Variants in AMPD3 observed in about 807,000 individuals in gnomAD.
AMPD3 encodes the protein AMP deaminase 3.
A neutral mutation model predicts 82.3 loss-of-function variants in AMPD3; 57 were observed. The observed-to-expected ratio is 0.69, with a 90% confidence interval of 0.56 to 0.86. The LOEUF is 0.86. Among genes scored for constraint, AMPD3 ranks in the 40% least tolerant of loss-of-function variants. The probability of loss-of-function intolerance (pLI) is 0.00; values close to 1 mark genes in which losing one functional copy is unlikely to be tolerated. For synonymous variants in AMPD3, 381 were observed against 394.7 expected, an observed-to-expected ratio of 0.97 and a Z score of 0.41; for missense variants, 870 against 1,003.8, an observed-to-expected ratio of 0.87 and a Z score of 1.80.
In AMPD3 at chr11:10,499,585, G is replaced by A. The variant is rs895901674; in HGVS notation, c.1558-501G>A. The A allele has an allele frequency of 4.4e-6, 4 of 902,902 alleles. No individual in the cohort carries two copies. In the African/African-American group the frequency reaches 7.2e-5, roughly 16 times the overall value. The allele number at this position is 902,902 out of a possible 1,614,324, so 55.9% of individuals were successfully genotyped here. A position where few individuals can be genotyped will look rare whatever the true frequency, so the allele number is the denominator to read the frequency against. ...TTTGCTCAATTGTAAAATGGGGCTGGCAGCCAACCCCTCCCTCCTGGGTTG... is the reference window on the plus strand; with the variant it reads ...TTTGCTCAATTGTAAAATGGGGCTGACAGCCAACCCCTCCCTCCTGGGTTG... On this transcript the variant is annotated intron_variant, in intron 10 of 14. Coordinates refer to ENST00000396553, the MANE Select transcript of AMPD3 (RefSeq NM_001025389.2).
At chr11:10,471,469 A>G (rs1848587857) in intron 2 of AMPD3, among the ~76,000 whole-genome samples, 1 of 152,250 alleles carries the variant, frequency 6.6e-6, no homozygotes, top group Non-Finnish European at 1.5e-5. Context: ...TAATTAAACT[A>G]AAGAGCTTCT....
chr11:10,461,290 G>C (rs1848262294), intron 1 of AMPD3: 1 of 1,516,292 alleles, frequency 6.6e-7, no homozygotes, highest in African/African-American at 1.4e-5. Flanking sequence ...TTTGAATTTT[G>C]AACACTTGCT....
intron 2 of AMPD3, among the ~76,000 whole-genome samples, chr11:10,465,361 T>A (rs1457346271): frequency 6.6e-6 from 1 of 152,126 alleles, no homozygotes; most frequent in African/African-American, 2.4e-5. Context: ...GCAGGAATTA[T>A]GTATTTTTTT....
At chr11:10,501,435 G>T (rs758654210) in intron 11 of AMPD3, 35 bp from the exon 12 acceptor site, 2 of 1,610,028 alleles carry the variant, frequency 1.2e-6, no homozygotes, top group Admixed American at 1.7e-5. Context: ...CAACTGGGGG[G>T]GGCCTTCCTG....
intron 2 of AMPD3, among the ~76,000 whole-genome samples, chr11:10,465,061 A>C (rs1260036677): frequency 6.6e-6 from 1 of 152,256 alleles, no homozygotes; most frequent in African/African-American, 2.4e-5. Flanking sequence ...CCTAAACTGC[A>C]AAATGAGAAT....
intron 2 of AMPD3, among the ~76,000 whole-genome samples, chr11:10,463,364 G>A (rs897538627): frequency 2.6e-5 from 4 of 152,176 alleles, no homozygotes; most frequent in Non-Finnish European, 4.4e-5. Flanking sequence ...GGTGCCATTG[G>A]TTAACCTCTG....
intron 10 of AMPD3, chr11:10,499,879 G>C (rs772438594): frequency 2.0e-6 from 2 of 985,238 alleles, no homozygotes; most frequent in Non-Finnish European, 2.4e-6. Context: ...ACCTATGGAA[G>C]CTCCGAAGGG....
At chr11:10,459,104 G>C (rs776876318) in intron 1 of AMPD3, among the ~76,000 whole-genome samples, 40 of 152,258 alleles carry the variant, frequency 2.6e-4, no homozygotes, top group Non-Finnish European at 5.3e-4. Context: ...AGGCAGCTCT[G>C]TTCCTCTTCC....
intron 4 of AMPD3, 199 bp from the exon 5 acceptor site, chr11:10,484,621 G>A (rs1849009501): frequency 4.2e-6 from 3 of 709,794 alleles, no homozygotes; most frequent in Non-Finnish European, 5.2e-6. Flanking sequence ...CATCATATCT[G>A]AGATAAAGAA....
chr11:10,504,581 T>A lies in AMPD3; in HGVS notation c.2049T>A (p.Ala683=). Residue 683 remains alanine, a synonymous_variant, in exon 14 of 15, where the codon GCT becomes GCA. Transcript: ENST00000396553. ...TTATGGAAGAATATGCCATTGCAGC[T>A]CAAGTGTGGAAGCTGAGCACCTGCG... ...EALMEEYAIA[A]QVWKLSTCDL... The A allele has an allele frequency of 6.2e-7, 1 of 1,614,198 alleles. No individual in the cohort carries two copies. Among genetic ancestry groups the A allele is most frequent in the Non-Finnish European group, 8.5e-7 (1 of 1,180,028 alleles).
In AMPD3 at chr11:10,456,083, G is replaced by T; in HGVS notation, c.-6+635G>T. 8.6e-7 allele frequency: 1 copy of T among 1,168,732 alleles called. No homozygotes were observed. The highest frequency in any genetic ancestry group is 1.1e-6 in the Non-Finnish European group (1 of 943,074). 72.4% of individuals were successfully genotyped at this position (1,168,732 alleles called of 1,614,324 possible). On this transcript the variant is annotated intron_variant, in intron 1 of 14. Transcript: ENST00000396553. This position sits in a 1 kb window ranked among gnomAD's most constrained non-coding sequence, Gnocchi z 4.3. ...TTTCCTCTTGTGAGGGCTGTGAAGA[G>T]GGCCAGGACACTGCATTCAGGATAC...
upstream of AMPD3, among the ~76,000 whole-genome samples, chr11:10,453,999 C>T (rs116163082): frequency 0.026 from 3,917 of 152,174 alleles, 180 homozygotes; most frequent in African/African-American, 0.085. Flanking sequence ...GCAGGAGAAG[C>T]GGGCCCTGTA....
intron 2 of AMPD3, among the ~76,000 whole-genome samples, chr11:10,472,462 G>A (rs73409943): frequency 6.6e-6 from 1 of 151,968 alleles, no homozygotes; most frequent in African/African-American, 2.4e-5. Context: ...AAAAAAATTA[G>A]GATATAGAGG....
chr11:10,491,053 G>A (rs1028111078), intron 6 of AMPD3, among the ~76,000 whole-genome samples: 2 of 152,196 alleles, frequency 1.3e-5, no homozygotes, highest in Non-Finnish European at 2.9e-5. Flanking sequence ...TATCTGGTTT[G>A]GCATTACTTG....
intron 10 of AMPD3, 75 bp downstream of exon 10, chr11:10,497,013 G>T (rs1849424299): frequency 1.6e-5 from 25 of 1,559,858 alleles, no homozygotes; most frequent in Non-Finnish European, 2.2e-5. Context: ...GCTGGGTCAG[G>T]CTTGCTCCTG....
chr11:10,484,899 C>A lies in AMPD3; in HGVS notation c.669C>A (p.His223Gln), dbSNP rs34319136. ...CCCCCAACCTGGATTACTTGGTCCA[C>A]ATGCAGGGGGGCATCCTCTTTGTGT... ...DAPPNLDYLV[H>Q]MQGGILFVYD... Residue 223 changes from histidine to glutamine, a missense_variant, in exon 5 of 15, where the codon CAC becomes CAA. Physicochemically the swap from His to Gln is conservative, Grantham distance 24. Transcript: ENST00000396553. 1 of 1,614,096 alleles carries A rather than the reference C, an allele frequency of 6.2e-7. No homozygotes were observed. Among genetic ancestry groups the A allele is most frequent in the Non-Finnish European group, 8.5e-7 (1 of 1,180,014 alleles).
At chr11:10,478,287 C>G (rs749264818) in intron 2 of AMPD3, 124 of 985,276 alleles carry the variant, frequency 1.3e-4, no homozygotes, top group Non-Finnish European at 1.4e-4. Flanking sequence ...GTGGGCTGTG[C>G]AAACAGCCCT....
intron 10 of AMPD3, chr11:10,497,490 C>A: frequency 1.2e-6 from 1 of 844,640 alleles, no homozygotes; most frequent in Non-Finnish European, 1.4e-6. Context: ...TCCCACCCTC[C>A]GGATGCCTGG....
At chr11:10,496,624 A>G in intron 9 of AMPD3, 188 bp from the exon 10 acceptor site, 2 of 1,443,226 alleles carry the variant, frequency 1.4e-6, no homozygotes, top group South Asian at 1.3e-5. Context: ...CTTGCAAACC[A>G]AGGCAGAATA....
Sources: allele counts gnomAD v4.1 joint callset (sites outside exome capture counted in the v4.1 genomes callset), GRCh38; gene constraint gnomAD v4.1.1; non-coding constraint Gnocchi (gnomAD v3.1); transcripts MANE v1.5; gene names NCBI Gene and HGNC (gene_info 2026-07-23, HGNC 2026-07-21).